DAGLB: variants seen among roughly 807,000 people sequenced by gnomAD.
DAGLB encodes diacylglycerol lipase-beta.
In DAGLB, 66 loss-of-function variants were observed where a neutral mutation model predicts 72.1. The observed-to-expected ratio is 0.92, with a 90% CI of 0.75 to 1.12. DAGLB has a LOEUF of 1.12. Ranked by LOEUF, DAGLB falls within the 50% of genes most tolerant of loss-of-function variation. The pLI, the probability that DAGLB is intolerant of heterozygous loss-of-function variation, is 0.00. For missense variants in DAGLB, 1,065 were observed against 884.9 expected, an observed-to-expected ratio of 1.20 and a Z score of -2.58; for synonymous variants, 414 against 359.5, an observed-to-expected ratio of 1.15 and a Z score of -1.71.
chr7:6,433,332 C>A (rs1370458786), intron 4 of DAGLB, among the ~76,000 whole-genome samples: 1 of 152,130 alleles, frequency 6.6e-6, no homozygotes, highest in African/African-American at 2.4e-5. Context: ...TCTCATTTCT[C>A]AAGATGCTGG....
intron 9 of DAGLB, among the ~76,000 whole-genome samples, chr7:6,419,145 CTGA>C: frequency 6.7e-6 from 1 of 149,724 alleles, no homozygotes; most frequent in East Asian, 2.0e-4. Context: ...CCTCAGCCAC[CTGA>C]GTAGCTGGAA....
At chr7:6,437,432 T>C (rs765152002) in intron 2 of DAGLB, among the ~76,000 whole-genome samples, 2 of 152,052 alleles carry the variant, frequency 1.3e-5, no homozygotes, top group Non-Finnish European at 2.9e-5. Context: ...GAGAGCGTAA[T>C]AGCTACCATT....
intron 9 of DAGLB, 67 bp from the exon 10 acceptor site, chr7:6,416,988 G>C: frequency 6.4e-7 from 1 of 1,553,024 alleles, no homozygotes; most frequent in Non-Finnish European, 8.9e-7. Context: ...GAGACTCAAA[G>C]ATGGGATGAC....
chr7:6,442,577 C>T (rs984002214), intron 2 of DAGLB, among the ~76,000 whole-genome samples: 1 of 152,166 alleles, frequency 6.6e-6, no homozygotes, highest in African/African-American at 2.4e-5. Context: ...TGAAATGACA[C>T]CAGTCTCAAT....
At chr7:6,429,552 A>C (rs904141448) in intron 6 of DAGLB, among the ~76,000 whole-genome samples, 2 of 151,824 alleles carry the variant, frequency 1.3e-5, no homozygotes, top group East Asian at 3.9e-4. Context: ...ACTTGAGGTC[A>C]GGAGTTTGAG....
At chr7:6,432,784 C>T (rs1784530025) in intron 5 of DAGLB, 53 bp downstream of exon 5, 2 of 1,576,698 alleles carry the variant, frequency 1.3e-6, no homozygotes, top group Non-Finnish European at 8.6e-7. Flanking sequence ...ATTCTGAAGA[C>T]CCACCAAAAG....
chr7:6,431,275 C>G (rs902712043), intron 5 of DAGLB, among the ~76,000 whole-genome samples: 1 of 151,968 alleles, frequency 6.6e-6, no homozygotes, highest in Non-Finnish European at 1.5e-5. Context: ...AGATACATAC[C>G]GTCTACGTGC....
intron 11 of DAGLB, among the ~76,000 whole-genome samples, chr7:6,414,771 G>C (rs186745470): frequency 5.3e-5 from 8 of 152,208 alleles, no homozygotes; most frequent in African/African-American, 1.2e-4. Context: ...CCTGCTAAAA[G>C]GAACCAATAT....
intron 5 of DAGLB, 119 bp downstream of exon 5, chr7:6,432,718 G>C: frequency 8.0e-7 from 1 of 1,246,092 alleles, no homozygotes; most frequent in Non-Finnish European, 1.0e-6. Flanking sequence ...GGAGGGGAGG[G>C]AGGGGAAAGG....
intron 4 of DAGLB, 76 bp downstream of exon 4, chr7:6,434,686 G>T: frequency 6.3e-7 from 1 of 1,593,024 alleles, no homozygotes; most frequent in Non-Finnish European, 8.6e-7. Context: ...GGTTTTATGG[G>T]AACAGAGGGA....
At chr7:6,440,723 G>T (rs1049052806) in intron 2 of DAGLB, among the ~76,000 whole-genome samples, 9 of 152,006 alleles carry the variant, frequency 5.9e-5, no homozygotes, top group African/African-American at 1.9e-4. Context: ...CACAAAATTA[G>T]ACAGGCATAG....
intron 9 of DAGLB, among the ~76,000 whole-genome samples, chr7:6,418,200 T>A (rs1481228688): frequency 1.3e-5 from 2 of 151,872 alleles, no homozygotes; most frequent in Non-Finnish European, 2.9e-5. Context: ...TATACATCTG[T>A]CCTCTGAAAC....
Position 6,446,056 on chromosome 7 carries a change from G to C in DAGLB, c.144C>G (p.Asp48Glu), listed in dbSNP as rs758707876. 1.7e-5 allele frequency: 27 copies of C among 1,612,264 alleles called. No homozygotes were observed. The highest frequency in any genetic ancestry group is 4.0e-5 in the African/African-American group (3 of 74,610). The change falls in exon 2 of 15, where the codon GAC (aspartate) becomes GAG (glutamate). Residue 48 changes from aspartate to glutamate, a missense_variant. Coordinates refer to ENST00000297056, the MANE Select transcript of DAGLB (RefSeq NM_139179.4). ...TGCTGAGCAAGGCTCCACCAGCACA[G>C]TCCAGCTTTCCTCTGTGCATGAGAT... ...TLYLMHRGKLDCAGGALLSSY... is the reference protein window; with the variant it reads ...TLYLMHRGKLECAGGALLSSY...
chr7:6,414,819 G>GA (rs111824512), intron 11 of DAGLB, among the ~76,000 whole-genome samples: 3,648 of 148,476 alleles, frequency 0.025, 68 homozygotes, highest in Middle Eastern at 0.062. Context: ...ATGGACGATG[G>GA]AAAAAAAAAA....
chr7:6,431,384 A>G (rs1368208526), intron 5 of DAGLB, among the ~76,000 whole-genome samples: 1 of 152,150 alleles, frequency 6.6e-6, no homozygotes, highest in African/African-American at 2.4e-5. Context: ...GAAAGCAAAC[A>G]CACCCAGGGA....
intron 4 of DAGLB, 108 bp downstream of exon 4, chr7:6,434,654 A>G: frequency 6.5e-7 from 1 of 1,548,020 alleles, no homozygotes; most frequent in Non-Finnish European, 8.7e-7. Flanking sequence ...CACACACCCA[A>G]AGACACCAGG....
chr7:6,437,671 T>TG (rs71539937), intron 2 of DAGLB, among the ~76,000 whole-genome samples: 1 of 151,770 alleles, frequency 6.6e-6, no homozygotes, highest in Non-Finnish European at 1.5e-5. Context: ...TTTTTTTAGA[T>TG]GGAGTCTCAC....
chr7:6,447,761 C>A lies in DAGLB; in HGVS notation c.82G>T (p.Val28Leu), dbSNP rs750874681. Residue 28 changes from valine to leucine, a missense_variant, in exon 1 of 15, where the codon GTG (valine) becomes TTG (leucine). Physicochemically the swap from Val to Leu is conservative, Grantham distance 32. Transcript: ENST00000297056. The stretch of plus-strand genomic sequence containing the variant: ...CGCCGTCCTTACCACAGCACTCGCA[C>A]GACCAGCTCGAAGAACCCTGGGAAG... ...LVFPGFFELV[V>L]RVLWWIGILT... The A allele has an allele frequency of 1.2e-6, 2 of 1,613,564 alleles. No individual in the cohort carries two copies. Among genetic ancestry groups the A allele is most frequent in the Non-Finnish European group, 1.7e-6 (2 of 1,179,818 alleles).
chr7:6,421,845 T>C (rs768410716), intron 8 of DAGLB, 41 bp from the exon 9 acceptor site: 4 of 1,600,956 alleles, frequency 2.5e-6, no homozygotes, highest in Non-Finnish European at 3.4e-6. Context: ...CAGCCTGTGA[T>C]GGGCAGGGTG....
Sources: gnomAD v4.1 joint callset for allele counts (sites outside exome capture counted in the v4.1 genomes callset) on GRCh38, gnomAD v4.1.1 for gene constraint, MANE v1.5 for transcripts, NCBI Gene and HGNC (gene_info 2026-07-23, HGNC 2026-07-21) for gene names.